THRAP3: variants seen among roughly 807,000 people sequenced by gnomAD.
THRAP3 encodes the protein thyroid hormone receptor associated protein 3.
Under a neutral mutation model 101.0 loss-of-function variants are expected in THRAP3, and 16 were observed. The ratio of observed to expected loss-of-function variants is 0.16; its 90% CI spans 0.11 to 0.24. The LOEUF (loss-of-function observed/expected upper bound fraction) is 0.24, where lower values mean the gene tolerates loss of function less well. Among genes scored for constraint, THRAP3 ranks in the 10% least tolerant of loss-of-function variants. The probability of loss-of-function intolerance (pLI) is 1.00; values close to 1 mark genes in which losing one functional copy is unlikely to be tolerated. For missense variants in THRAP3, 989 were observed against 1,202.7 expected (o/e 0.82, Z 2.63); for synonymous variants, 407 against 422.6 (o/e 0.96, Z 0.45).
chr1:36,210,053 AG>A, the THRAP3 span, among the ~76,000 whole-genome samples: 7 of 152,164 alleles, frequency 4.6e-5, no homozygotes, highest in Admixed American at 3.9e-4. Context: ...TCTGGTCCCC[AG>A]TGAATTGAGA....
In THRAP3 at chr1:36,304,619, CAAG is replaced by C. The variant is rs547005009; in HGVS notation, c.*603_*605del. 2.3e-4 allele frequency: 51 copies of C among 223,410 alleles called. No individual in the cohort carries two copies. Among genetic ancestry groups the C allele is most frequent in the Non-Finnish European group, 4.1e-4 (46 of 111,596 alleles). The allele number at this position is 223,410 out of a possible 1,614,324, so 13.8% of individuals were successfully genotyped here. A position where few individuals can be genotyped will look rare whatever the true frequency, so the allele number is the denominator to read the frequency against. On this transcript the variant is annotated 3_prime_UTR_variant, in exon 12 of 12. Transcript: ENST00000354618. ...CTTTGTAAAAACCGGTTTTGTATGT[CAAG>C]GAGGAGTTTAAGGCCTTTCCGACCA...
At chr1:36,213,955 GAA>G in the THRAP3 span, among the ~76,000 whole-genome samples, 2 of 116,216 alleles carry the variant, frequency 1.7e-5, no homozygotes, top group Non-Finnish European at 1.7e-5. Context: ...AAGAAAGAAA[GAA>G]AGAAGGAAAG....
upstream of THRAP3, among the ~76,000 whole-genome samples, chr1:36,220,724 C>T (rs559657938): frequency 1.4e-3 from 214 of 151,970 alleles, no homozygotes; most frequent in African/African-American, 4.6e-3. Context: ...GAGGCTGAGG[C>T]GGGTGGATCA....
intron 5 of THRAP3, among the ~76,000 whole-genome samples, chr1:36,290,756 G>A (rs1354608100): frequency 3.9e-5 from 6 of 152,172 alleles, no homozygotes; most frequent in African/African-American, 1.2e-4. Flanking sequence ...ATGAGCCACC[G>A]TGCCTGGCCA....
chr1:36,300,794 CT>C, intron 9 of THRAP3, 91 bp from the exon 10 acceptor site: 1 of 1,304,630 alleles, frequency 7.7e-7, no homozygotes, highest in Non-Finnish European at 1.1e-6. Context: ...CACAGGCATA[CT>C]TTTGATTGCC....
intron 2 of THRAP3, among the ~76,000 whole-genome samples, chr1:36,269,730 C>G (rs976613217): frequency 6.6e-6 from 1 of 151,590 alleles, no homozygotes; most frequent in Non-Finnish European, 1.5e-5. Context: ...ACCATCATGC[C>G]CAGCTAATTT....
intron 2 of THRAP3, among the ~76,000 whole-genome samples, chr1:36,276,037 T>C (rs1018122661): frequency 1.3e-4 from 19 of 151,986 alleles, no homozygotes; most frequent in African/African-American, 4.6e-4. Flanking sequence ...GTTGGACCCA[T>C]ACTTGACAAC....
intron 2 of THRAP3, among the ~76,000 whole-genome samples, chr1:36,263,117 T>C (rs575982647): frequency 6.6e-6 from 1 of 151,652 alleles, no homozygotes; most frequent in African/African-American, 2.4e-5. Context: ...GCCTATTTTA[T>C]TTATTTTTTG....
chr1:36,246,686 CA>C (rs1166742675), intron 1 of THRAP3, among the ~76,000 whole-genome samples: 1 of 151,692 alleles, frequency 6.6e-6, no homozygotes, highest in Non-Finnish European at 1.5e-5. Flanking sequence ...ACTAAAAATA[CA>C]AAAAATTAGC....
upstream of THRAP3, among the ~76,000 whole-genome samples, chr1:36,219,649 C>T (rs1557797301): frequency 1.3e-5 from 2 of 151,560 alleles, no homozygotes; most frequent in Non-Finnish European, 2.9e-5. Flanking sequence ...AGGTTGGTCT[C>T]GAACTCCTGA....
At chr1:36,243,487 CAT>C (rs1028429101) in intron 1 of THRAP3, among the ~76,000 whole-genome samples, 6 of 152,216 alleles carry the variant, frequency 3.9e-5, no homozygotes, top group African/African-American at 1.4e-4. Context: ...GGATACAGCA[CAT>C]GTTTCAGAGA....
At chr1:36,243,502 A>G (rs1645189563) in intron 1 of THRAP3, among the ~76,000 whole-genome samples, 1 of 152,112 alleles carries the variant, frequency 6.6e-6, no homozygotes, top group South Asian at 2.1e-4. Flanking sequence ...TTCAGAGAGC[A>G]CAGGGTTGGG....
At chr1:36,252,603 T>C (rs1350771418) in intron 1 of THRAP3, among the ~76,000 whole-genome samples, 1 of 152,028 alleles carries the variant, frequency 6.6e-6, no homozygotes, top group Non-Finnish European at 1.5e-5. Flanking sequence ...GCACAAAGTT[T>C]TTATTTCAAA....
At chr1:36,208,020 G>A in the THRAP3 span, among the ~76,000 whole-genome samples, 3 of 152,174 alleles carry the variant, frequency 2.0e-5, no homozygotes, top group Non-Finnish European at 4.4e-5. Flanking sequence ...CTTGAACTCC[G>A]GACCTCAGGT....
chr1:36,239,501 A>C (rs1159469360), intron 1 of THRAP3, among the ~76,000 whole-genome samples: 1 of 151,986 alleles, frequency 6.6e-6, no homozygotes, highest in Non-Finnish European at 1.5e-5. Context: ...GCCTGTGCTC[A>C]AGTAATCCTC....
At chr1:36,237,164 A>G (rs1055039616) in intron 1 of THRAP3, among the ~76,000 whole-genome samples, 1 of 151,700 alleles carries the variant, frequency 6.6e-6, no homozygotes, top group Non-Finnish European at 1.5e-5. Context: ...CTCCATCTCA[A>G]AACAAAAAGC....
chr1:36,263,484 A>G (rs1337036020), intron 2 of THRAP3, among the ~76,000 whole-genome samples: 3 of 152,220 alleles, frequency 2.0e-5, no homozygotes, highest in Non-Finnish European at 4.4e-5. Flanking sequence ...TGAGAGCTGG[A>G]AGGAAACCAC....
chr1:36,295,558 T>TTCCTTCCTTCCTTCCTTCCTTCCTTCCC (rs1645935650), intron 8 of THRAP3, among the ~76,000 whole-genome samples: 1 of 143,070 alleles, frequency 7.0e-6, no homozygotes, highest in East Asian at 2.0e-4. Context: ...CCTTCCTTCC[T>TTCCTTCCTTCCTTCCTTCCTTCCTTCCC]TCCTTCCTTC....
chr1:36,280,573 A>G (rs868784500), intron 2 of THRAP3, among the ~76,000 whole-genome samples: 1 of 152,216 alleles, frequency 6.6e-6, no homozygotes, highest in Admixed American at 6.5e-5. Flanking sequence ...TTTTCCCTTC[A>G]CAGACAAGAG....
Sources: allele counts gnomAD v4.1 joint callset (sites outside exome capture counted in the v4.1 genomes callset), GRCh38; gene constraint gnomAD v4.1.1; transcripts MANE v1.5; gene names NCBI Gene and HGNC (gene_info 2026-07-23, HGNC 2026-07-21).